Variants in DSC3 observed in about 807,000 individuals in gnomAD.
The protein encoded by DSC3 is desmocollin-3.
A neutral mutation model predicts 89.5 loss-of-function variants in DSC3; 97 were observed. That is an observed-to-expected ratio of 1.08 (90% CI 0.92 to 1.28). The LOEUF is 1.28. Among genes scored for constraint, DSC3 ranks in the 50% most tolerant of loss-of-function variants. The pLI, the probability that DSC3 is intolerant of heterozygous loss-of-function variation, is 0.00. For missense variants in DSC3, 1,199 were observed against 1,085.3 expected (o/e 1.10, Z -1.47); for synonymous variants, 436 against 384.1 (o/e 1.14, Z -1.58).
At chr18:31,032,330 A>T in intron 1 of DSC3, 54 bp from the exon 2 acceptor site, 4 of 1,355,840 alleles carry the variant, frequency 3.0e-6, no homozygotes, top group Non-Finnish European at 4.2e-6. Context: ...TAAAAAAAAC[A>T]TAATCATATC....
intron 15 of DSC3, among the ~76,000 whole-genome samples, chr18:30,995,056 C>A (rs1431493899): frequency 2.6e-5 from 4 of 152,132 alleles, no homozygotes; most frequent in South Asian, 2.1e-4. Flanking sequence ...ATGAACATGA[C>A]CCATATTGCA....
intron 4 of DSC3, among the ~76,000 whole-genome samples, chr18:31,026,897 G>A (rs1985616594): frequency 6.6e-6 from 1 of 152,110 alleles, no homozygotes; most frequent in Non-Finnish European, 1.5e-5. Flanking sequence ...GTTGGACACA[G>A]AGGTGAGCCA....
chr18:31,039,977 T>C (rs753948611), intron 1 of DSC3, among the ~76,000 whole-genome samples: 2 of 152,180 alleles, frequency 1.3e-5, no homozygotes, highest in South Asian at 4.1e-4. Context: ...ATTACTATAC[T>C]CCCTTTTAAT....
At chr18:31,016,146 G>GA (rs944903434) in intron 9 of DSC3, among the ~76,000 whole-genome samples, 5 of 152,108 alleles carry the variant, frequency 3.3e-5, no homozygotes, top group African/African-American at 1.2e-4. Flanking sequence ...CAGTTTTCCA[G>GA]AAAATGCATG....
At chr18:30,996,004 A>AAAAAAAAAAAAAAAG (rs1380162048) in intron 15 of DSC3, among the ~76,000 whole-genome samples, 11 of 143,652 alleles carry the variant, frequency 7.7e-5, no homozygotes, top group African/African-American at 3.1e-4. Context: ...AAAAAAGAAA[A>AAAAAAAAAAAAAAAG]GAAAGAAAAA....
At chr18:31,017,708 T>C (rs1410454684) in intron 9 of DSC3, among the ~76,000 whole-genome samples, 3 of 152,172 alleles carry the variant, frequency 2.0e-5, no homozygotes, top group Admixed American at 6.5e-5. Context: ...AAAAGAATTA[T>C]AGCTGTTCTG....
At position 31,032,272 on chromosome 18, in the gene DSC3, A is replaced by G. The variant is rs758160252; in HGVS notation, c.74T>C (p.Phe25Ser). The change falls in exon 2 of 16, where the codon TTC becomes TCC. Residue 25 changes from phenylalanine to serine, a missense_variant. By Grantham distance (155) the Phe-to-Ser change is radical (BLOSUM62 -2). Transcript: ENST00000360428. ...CLHLLLTLVIFSRAGEACKKV... is the reference protein window; with the variant it reads ...CLHLLLTLVISSRAGEACKKV... ...TTTGCAGGCTTCACCAGCACGACTGAAGATCTAGAATTTAAAAGGTCACAT... is the reference window on the plus strand; with the variant it reads ...TTTGCAGGCTTCACCAGCACGACTGGAGATCTAGAATTTAAAAGGTCACAT... 20 of 1,610,208 alleles carry G rather than the reference A, an allele frequency of 1.2e-5. No homozygotes were observed. The South Asian group carries it at 2.2e-4, about 18-fold the overall frequency.
intron 9 of DSC3, among the ~76,000 whole-genome samples, chr18:31,011,207 GA>G (rs1985045306): frequency 6.6e-6 from 1 of 152,204 alleles, no homozygotes; most frequent in African/African-American, 2.4e-5. Flanking sequence ...TCTCTTCTGT[GA>G]AATTGTTGTA....
rs766411505 is a variant in DSC3, at chr18:30,994,504, C to CA, written c.2494-133dup. ...GTGTCCTCTAATGGATTCCTACACA[C>CA]AGAAAATGCAAATGATTGGTCTATA... is the stretch of plus-strand genomic sequence containing the variant. On this transcript the variant is annotated intron_variant, in intron 15 of 15. Transcript: ENST00000360428. The CA allele has an allele frequency of 1.9e-6, 3 of 1,586,582 alleles. No homozygotes were observed. In the African/African-American group the frequency reaches 4.1e-5, roughly 22 times the overall value.
intron 1 of DSC3, among the ~76,000 whole-genome samples, chr18:31,035,120 A>G (rs1367212778): frequency 1.3e-5 from 2 of 152,260 alleles, no homozygotes; most frequent in Middle Eastern, 3.4e-3. Context: ...GAAGTATTTT[A>G]TTTCTGATAT....
intron 14 of DSC3, among the ~76,000 whole-genome samples, chr18:31,000,184 AG>A (rs1348919688): frequency 1.3e-5 from 2 of 152,180 alleles, no homozygotes; most frequent in South Asian, 2.1e-4. Context: ...CCCGAGACAT[AG>A]AAAAGGCTGG....
At chr18:30,997,321 T>G (rs543551122) in intron 14 of DSC3, among the ~76,000 whole-genome samples, 25 of 152,176 alleles carry the variant, frequency 1.6e-4, no homozygotes, top group Admixed American at 1.6e-3. Flanking sequence ...ATCAAGGAGT[T>G]CACATTTGGC....
Sources: allele counts gnomAD v4.1 joint callset (sites outside exome capture counted in the v4.1 genomes callset), GRCh38; gene constraint gnomAD v4.1.1; transcripts MANE v1.5; gene names NCBI Gene and HGNC (gene_info 2026-07-23, HGNC 2026-07-21).